The following ANKRD62 variants were observed in gnomAD, a reference collection of about 807,000 sequenced individuals.
The protein encoded by ANKRD62 is ankyrin repeat domain-containing protein 62.
Under a neutral mutation model 98.8 loss-of-function variants are expected in ANKRD62, and 61 were observed. That is an observed-to-expected ratio of 0.62 (90% CI 0.50 to 0.76). The LOEUF (loss-of-function observed/expected upper bound fraction) is 0.76, where lower values mean the gene tolerates loss of function less well. Ranked by LOEUF, ANKRD62 falls within the 30% of genes least tolerant of loss-of-function variation. The probability of loss-of-function intolerance (pLI) is 0.00; values close to 1 mark genes in which losing one functional copy is unlikely to be tolerated. For synonymous variants in ANKRD62, 341 were observed against 367.9 expected, an observed-to-expected ratio of 0.93 and a Z score of 0.84; for missense variants, 933 against 1,082.9, an observed-to-expected ratio of 0.86 and a Z score of 1.94.
chr18:12,172,520 G>A, the ANKRD62 span, among the ~76,000 whole-genome samples: 1 of 152,160 alleles, frequency 6.6e-6, no homozygotes, highest in East Asian at 1.9e-4. Context: ...GCCATATGAG[G>A]TGTCAGTCGG....
chr18:12,112,653 G>A (rs952637058), intron 8 of ANKRD62, among the ~76,000 whole-genome samples: 6 of 152,230 alleles, frequency 3.9e-5, no homozygotes, highest in Admixed American at 2.0e-4. Flanking sequence ...CATAGGCACC[G>A]GCAAAGATTT....
At chr18:12,116,269 A>G (rs1025470436) in intron 10 of ANKRD62, among the ~76,000 whole-genome samples, 1 of 152,178 alleles carries the variant, frequency 6.6e-6, no homozygotes, top group Non-Finnish European at 1.5e-5. Context: ...ATTGTTTTCA[A>G]AAAAAGTGTA....
chr18:12,096,566 A>T (rs1909186758), intron 4 of ANKRD62, among the ~76,000 whole-genome samples: 1 of 152,196 alleles, frequency 6.6e-6, no homozygotes, highest in Non-Finnish European at 1.5e-5. Flanking sequence ...TATGATCTTA[A>T]CTAAAGGGAT....
At chr18:12,151,403 C>G in the ANKRD62 span, among the ~76,000 whole-genome samples, 2 of 152,128 alleles carry the variant, frequency 1.3e-5, no homozygotes, top group African/African-American at 4.8e-5. Context: ...GTATATGGGA[C>G]CTGAAGTCAA....
intron 8 of ANKRD62, among the ~76,000 whole-genome samples, chr18:12,113,366 G>A (rs533470840): frequency 2.0e-5 from 3 of 152,116 alleles, no homozygotes; most frequent in South Asian, 2.1e-4. Context: ...GGTGGCTCAC[G>A]CCTGTAATCC....
chr18:12,118,260 A>G (rs1407602466), intron 10 of ANKRD62, among the ~76,000 whole-genome samples: 1 of 152,124 alleles, frequency 6.6e-6, no homozygotes, highest in Non-Finnish European at 1.5e-5. Context: ...TGTTTTTACC[A>G]TATCCATAGT....
At chr18:12,130,354 A>G (rs1446499654), downstream of ANKRD62, among the ~76,000 whole-genome samples, 7 of 152,176 alleles carry the variant, frequency 4.6e-5, no homozygotes, top group African/African-American at 1.7e-4. Flanking sequence ...TAGGCTTAAA[A>G]TAGAAAATGC....
the ANKRD62 span, among the ~76,000 whole-genome samples, chr18:12,134,869 A>T: frequency 6.6e-6 from 1 of 152,112 alleles, no homozygotes; most frequent in Non-Finnish European, 1.5e-5. Context: ...ATGATTTATA[A>T]TCCTTTGGGT....
At chr18:12,181,637 T>A in the ANKRD62 span, among the ~76,000 whole-genome samples, 4 of 152,118 alleles carry the variant, frequency 2.6e-5, no homozygotes, top group Non-Finnish European at 2.9e-5. Flanking sequence ...TTTGTTTCTC[T>A]GGGGGAGAAG....
At chr18:12,165,547 A>G in the ANKRD62 span, among the ~76,000 whole-genome samples, 1 of 152,082 alleles carries the variant, frequency 6.6e-6, no homozygotes, top group South Asian at 2.1e-4. Flanking sequence ...TCTACACTGT[A>G]ACATTATCTC....
At chr18:12,174,056 A>C in the ANKRD62 span, among the ~76,000 whole-genome samples, 2 of 152,214 alleles carry the variant, frequency 1.3e-5, no homozygotes, top group Non-Finnish European at 2.9e-5. Context: ...AGGTTGGGGA[A>C]GTTCTCATGG....
chr18:12,153,950 T>G, the ANKRD62 span, among the ~76,000 whole-genome samples: 1 of 152,008 alleles, frequency 6.6e-6, no homozygotes, highest in Non-Finnish European at 1.5e-5. Flanking sequence ...TACATACAAG[T>G]CAACTCAAGA....
chr18:12,152,285 A>G, the ANKRD62 span, among the ~76,000 whole-genome samples: 1 of 152,218 alleles, frequency 6.6e-6, no homozygotes, highest in Non-Finnish European at 1.5e-5. Context: ...ACAACCAGAA[A>G]ATAAAGCTTC....
Position 12,096,266 on chromosome 18 carries a change from A to G in ANKRD62, c.578A>G (p.Lys193Arg). 6.5e-7 allele frequency: 1 copy of G among 1,534,818 alleles called. No individual in the cohort carries two copies. The highest frequency in any genetic ancestry group is 8.7e-7 in the Non-Finnish European group (1 of 1,145,604). ...CAAATGGTGGCATTTTTGTTGAAGA[A>G]AAAACCAGATTTAACTGCAATAGAT... ...KEQMVAFLLK[K>R]KPDLTAIDNF... The change falls in exon 4 of 14, where the codon AAA (lysine) becomes AGA (arginine). Residue 193 changes from lysine (K) to arginine (R), a missense_variant. By Grantham distance (26) the Lys-to-Arg change is conservative. Coordinates refer to ENST00000587848, the MANE Select transcript of ANKRD62 (RefSeq NM_001277333.2).
chr18:12,130,273 G>T (rs184080873), downstream of ANKRD62, among the ~76,000 whole-genome samples: 245 of 152,080 alleles, frequency 1.6e-3, 4 homozygotes, highest in Admixed American at 0.012. Context: ...TATTCCTTCA[G>T]ATGTTTGTTC....
chr18:12,124,522 A>G (rs1353149678), intron 12 of ANKRD62, among the ~76,000 whole-genome samples: 1 of 152,156 alleles, frequency 6.6e-6, no homozygotes, highest in Non-Finnish European at 1.5e-5. Flanking sequence ...TTTGGAAAAC[A>G]ATGATATCCC....
the ANKRD62 span, among the ~76,000 whole-genome samples, chr18:12,181,333 T>C: frequency 8.5e-5 from 13 of 152,224 alleles, no homozygotes; most frequent in Non-Finnish European, 1.8e-4. Flanking sequence ...AGGAAAAATA[T>C]GATTATTGCA....
downstream of ANKRD62, among the ~76,000 whole-genome samples, chr18:12,131,907 T>G (rs1379678223): frequency 2.6e-5 from 4 of 152,200 alleles, no homozygotes; most frequent in African/African-American, 9.6e-5. Flanking sequence ...TTTATTCTTT[T>G]GTTTTTTTCA....
chr18:12,107,516 A>G, intron 8 of ANKRD62, 49 bp downstream of exon 8: 1 of 1,289,770 alleles, frequency 7.8e-7, no homozygotes, highest in Middle Eastern at 2.0e-4. Context: ...ATTGTACTAT[A>G]AAATGAATTC....
Sources: allele counts gnomAD v4.1 joint callset (sites outside exome capture counted in the v4.1 genomes callset), GRCh38; gene constraint gnomAD v4.1.1; transcripts MANE v1.5; gene names NCBI Gene and HGNC (gene_info 2026-07-23, HGNC 2026-07-21).